SP3: variants seen among roughly 807,000 people sequenced by gnomAD.
SP3 encodes transcription factor Sp3.
In SP3, 10 loss-of-function variants were observed where a neutral mutation model predicts 70.3. The observed-to-expected ratio is 0.14, with a 90% confidence interval of 0.09 to 0.24. SP3 has a LOEUF of 0.24. Ranked by LOEUF, SP3 falls within the 10% of genes least tolerant of loss-of-function variation. The probability of loss-of-function intolerance (pLI) is 1.00; values close to 1 mark genes in which losing one functional copy is unlikely to be tolerated. For synonymous variants in SP3, 402 were observed against 333.5 expected, an observed-to-expected ratio of 1.21 and a Z score of -2.24; for missense variants, 825 against 914.6, an observed-to-expected ratio of 0.90 and a Z score of 1.26.
At chr2:173,943,273 A>G (rs781214089) in intron 4 of SP3, among the ~76,000 whole-genome samples, 5 of 152,074 alleles carry the variant, frequency 3.3e-5, no homozygotes, top group African/African-American at 4.8e-5. Flanking sequence ...ACTGATTCCA[A>G]TCTTATTTTC....
intron 5 of SP3, chr2:173,916,738 A>G (rs1367206487): frequency 6.6e-6 from 1 of 152,108 alleles, no homozygotes; most frequent in Non-Finnish European, 1.5e-5. Flanking sequence ...TCTAGCAGAC[A>G]ATTCCCTTTA....
In SP3 at chr2:173,903,997, CGGGGGGTG is replaced by C. The variant is rs1220744676; in HGVS notation, c.*5936_*5943del. Reference sequence around the variant, plus strand: ...AGACAATTTTTTCATGGATGGGGGTCGGGGGGTGGGGATGGTTGTAGGATGAAACTGCT... The same window carrying C: ...AGACAATTTTTTCATGGATGGGGGTCGGGATGGTTGTAGGATGAAACTGCT... On this transcript the variant is annotated 3_prime_UTR_variant, in exon 7 of 7. Transcript: ENST00000310015. 2.4e-5 allele frequency among the ~76,000 whole-genome samples: 1 copy of C among 41,358 alleles called. No individual in the cohort carries two copies. The allele number at this position is 41,358 out of a possible 152,430, so 27.1% of individuals were successfully genotyped here.
At chr2:173,964,684 C>G (rs1691228887) in intron 1 of SP3, 131 bp from the exon 2 acceptor site, 3 of 378,502 alleles carry the variant, frequency 7.9e-6, no homozygotes, top group South Asian at 8.3e-5. Flanking sequence ...CACCCGCCCC[C>G]CGGCGGCGGC....
chr2:173,926,495 G>A (rs1361982106), intron 4 of SP3, among the ~76,000 whole-genome samples: 3 of 152,080 alleles, frequency 2.0e-5, no homozygotes, highest in Admixed American at 6.5e-5. Flanking sequence ...CAAGTGCCAA[G>A]CATCCTGTAG....
rs565010674 is a variant in SP3 at position 173,902,668 on chromosome 2, A to G, written c.*7273T>C. On this transcript the variant is annotated 3_prime_UTR_variant, in exon 7 of 7. Transcript: ENST00000310015. The stretch of plus-strand genomic sequence containing the variant: ...TTTAGAGAAAGATGGTAGTGTGGAT[A>G]CATCTCAAAAACATGAGTGGTAAAA... Among the ~76,000 whole-genome samples the G allele has an allele frequency of 2.0e-5, 3 of 152,264 alleles. No individual in the cohort carries two copies. Among genetic ancestry groups the G allele is most frequent in the Non-Finnish European group, 4.4e-5 (3 of 68,048 alleles).
chr2:173,957,153 A>G (rs531129018), intron 3 of SP3, among the ~76,000 whole-genome samples: 2 of 152,324 alleles, frequency 1.3e-5, no homozygotes, highest in South Asian at 4.1e-4. Flanking sequence ...TCATGAAGAC[A>G]TAGTTGAGAA....
intron 4 of SP3, among the ~76,000 whole-genome samples, chr2:173,929,618 C>T (rs1441663680): frequency 6.6e-6 from 1 of 152,212 alleles, no homozygotes; most frequent in Non-Finnish European, 1.5e-5. Context: ...CAAGGGCTCT[C>T]TGTCCTGGAA....
At chr2:173,942,104 T>G (rs1486384488) in intron 4 of SP3, among the ~76,000 whole-genome samples, 1 of 152,250 alleles carries the variant, frequency 6.6e-6, no homozygotes, top group Non-Finnish European at 1.5e-5. Context: ...TCTACTAAGT[T>G]AGAAATTCTT....
At chr2:173,958,384 C>A (rs1327319929) in intron 3 of SP3, among the ~76,000 whole-genome samples, 1 of 150,794 alleles carries the variant, frequency 6.6e-6, no homozygotes, top group Admixed American at 6.6e-5. Context: ...AATGACAAAT[C>A]TGAGTAAATA....
chr2:173,943,802 G>A (rs1452338718), intron 4 of SP3, among the ~76,000 whole-genome samples: 1 of 152,202 alleles, frequency 6.6e-6, no homozygotes, highest in Non-Finnish European at 1.5e-5. Flanking sequence ...TAATGACTGG[G>A]ATACATTCTG....
chr2:173,965,641 A>G, upstream of SP3: 2 of 203,488 alleles, frequency 9.8e-6, no homozygotes, highest in South Asian at 1.2e-4. Flanking sequence ...TCCACCTTGC[A>G]GGCGCTCGGA....
intron 4 of SP3, among the ~76,000 whole-genome samples, chr2:173,944,170 A>AC (rs1690462979): frequency 6.6e-6 from 1 of 152,222 alleles, no homozygotes; most frequent in African/African-American, 2.4e-5. Context: ...TGGGAGAATG[A>AC]TGGTCCTATT....
Position 173,965,348 on chromosome 2 carries a change from A to G in SP3, c.-177T>C, listed in dbSNP as rs1233623343. The stretch of plus-strand genomic sequence containing the variant: ...GGGAAACACAAAAGGTGGAGCCTCC[A>G]GCCCAAAAGGGGGGAAGAGGGTGAC... On this transcript the variant is annotated 5_prime_UTR_variant, in exon 1 of 7. Coordinates refer to ENST00000310015, the MANE Select transcript of SP3 (RefSeq NM_003111.5). The G allele has an allele frequency of 2.9e-6, 2 of 700,462 alleles. No individual in the cohort carries two copies. The highest frequency in any genetic ancestry group is 1.9e-5 in the African/African-American group (1 of 53,380). The allele number at this position is 700,462 out of a possible 1,614,324, so 43.4% of individuals were successfully genotyped here.
At chr2:173,946,560 G>A (rs1429143020) in intron 4 of SP3, among the ~76,000 whole-genome samples, 1 of 151,920 alleles carries the variant, frequency 6.6e-6, no homozygotes, top group Non-Finnish European at 1.5e-5. Flanking sequence ...TTCAATAAAG[G>A]TCTTTGAATA....
At chr2:173,948,558 A>C (rs1194445667) in intron 4 of SP3, among the ~76,000 whole-genome samples, 2 of 152,170 alleles carry the variant, frequency 1.3e-5, no homozygotes, top group Non-Finnish European at 2.9e-5. Context: ...CATCCTCCTA[A>C]AACTAAAAAT....
chr2:173,926,614 C>T lies in SP3; in HGVS notation c.1640-7829G>A, dbSNP rs578012025. 2.0e-3 allele frequency among the ~76,000 whole-genome samples: 312 copies of T among 152,214 alleles called. 1 individual carries two copies. Among genetic ancestry groups the T allele is most frequent in the African/African-American group, 7.1e-3 (293 of 41,536 alleles). ...AGGTGTTTGAGACTGGCCTGGGCAACACAGCAAGACCAGTCTCTACCAAAA... is the reference window on the plus strand; with the variant it reads ...AGGTGTTTGAGACTGGCCTGGGCAATACAGCAAGACCAGTCTCTACCAAAA... On this transcript the variant is annotated intron_variant, in intron 4 of 6. Coordinates refer to ENST00000310015, the MANE Select transcript of SP3 (RefSeq NM_003111.5).
intron 4 of SP3, among the ~76,000 whole-genome samples, chr2:173,946,857 G>A (rs1218138180): frequency 6.6e-6 from 1 of 150,660 alleles, no homozygotes; most frequent in African/African-American, 2.4e-5. Flanking sequence ...CAGTAGCTGC[G>A]ACTACAGGTG....
At chr2:173,941,913 G>A (rs1257687423) in intron 4 of SP3, among the ~76,000 whole-genome samples, 1 of 152,154 alleles carries the variant, frequency 6.6e-6, no homozygotes, top group Non-Finnish European at 1.5e-5. Flanking sequence ...CTAGACCACA[G>A]TAAGTAGTTT....
At position 173,910,235 on chromosome 2, in the gene SP3, T is replaced by C; in HGVS notation, c.2052A>G (p.Pro684=). The C allele has an allele frequency of 6.2e-7, 1 of 1,613,860 alleles. No individual in the cohort carries two copies. Among genetic ancestry groups the C allele is most frequent in the Non-Finnish European group, 8.5e-7 (1 of 1,179,826 alleles). Residue 684 remains proline, a synonymous_variant, in exon 7 of 7, where the codon CCA becomes CCG. Transcript: ENST00000310015. ...TTCTCATAAAGCGTTTTGAACATTC[T>C]GGACAAACAAATTTCTTCTCACCTG... is the stretch of plus-strand genomic sequence containing the variant. The part of the protein sequence containing the change: ...THTGEKKFVC[P]ECSKRFMRSD...
Sources: gnomAD v4.1 joint callset for allele counts (sites outside exome capture counted in the v4.1 genomes callset) on GRCh38, gnomAD v4.1.1 for gene constraint, MANE v1.5 for transcripts, NCBI Gene and HGNC (gene_info 2026-07-23, HGNC 2026-07-21) for gene names.